TASP1: variants seen among roughly 807,000 people sequenced by gnomAD.
TASP1 encodes taspase 1.
In TASP1, 16 loss-of-function variants were observed where a neutral mutation model predicts 56.6. That is an observed-to-expected ratio of 0.28 (90% CI 0.19 to 0.43). The LOEUF (loss-of-function observed/expected upper bound fraction) is 0.43. Ranked by LOEUF, TASP1 falls within the 20% of genes least tolerant of loss-of-function variation. TASP1 has a pLI of 1.00. For synonymous variants in TASP1, 179 were observed against 184.2 expected (o/e 0.97, Z 0.23); for missense variants, 393 against 511.6 (o/e 0.77, Z 2.24).
At chr20:13,220,675 G>A in the TASP1 span, among the ~76,000 whole-genome samples, 1 of 152,218 alleles carries the variant, frequency 6.6e-6, no homozygotes, top group South Asian at 2.1e-4. Flanking sequence ...GGGCGCCGCG[G>A]ATCCGCGAAC....
At chr20:13,451,529 T>C (rs1201914018) in intron 11 of TASP1, among the ~76,000 whole-genome samples, 3 of 152,088 alleles carry the variant, frequency 2.0e-5, no homozygotes, top group Non-Finnish European at 2.9e-5. Context: ...TTTTATATTA[T>C]GGAGGCAGCT....
the TASP1 span, among the ~76,000 whole-genome samples, chr20:13,281,557 A>C: frequency 6.6e-6 from 1 of 152,196 alleles, no homozygotes; most frequent in Admixed American, 6.5e-5. Context: ...TAAGCAATTT[A>C]ACCTGGAGGG....
At chr20:13,327,445 A>G in the TASP1 span, among the ~76,000 whole-genome samples, 1 of 151,550 alleles carries the variant, frequency 6.6e-6, no homozygotes, top group Admixed American at 6.6e-5. Context: ...CACAAATTAG[A>G]AAAAAAAACT....
At chr20:13,295,637 A>G in the TASP1 span, among the ~76,000 whole-genome samples, 11 of 152,348 alleles carry the variant, frequency 7.2e-5, no homozygotes, top group African/African-American at 2.6e-4. Context: ...CACCCAGGAA[A>G]GATAAAGAGG....
the TASP1 span, among the ~76,000 whole-genome samples, chr20:13,134,453 T>G: frequency 2.0e-5 from 3 of 152,212 alleles, no homozygotes; most frequent in African/African-American, 7.2e-5. Flanking sequence ...CCAGTCATCA[T>G]TTCATATTTC....
intron 4 of TASP1, among the ~76,000 whole-genome samples, chr20:13,611,215 G>C (rs6079121): frequency 6.6e-6 from 1 of 152,170 alleles, no homozygotes; most frequent in Non-Finnish European, 1.5e-5. Flanking sequence ...ATATCCTTTA[G>C]GAAGTTATCA....
At chr20:13,334,719 A>G in the TASP1 span, among the ~76,000 whole-genome samples, 2 of 152,242 alleles carry the variant, frequency 1.3e-5, no homozygotes, top group Non-Finnish European at 2.9e-5. Flanking sequence ...TAGTATCCAA[A>G]AAAGATTAAA....
At chr20:13,517,882 C>A (rs1178771061) in intron 10 of TASP1, among the ~76,000 whole-genome samples, 1 of 152,026 alleles carries the variant, frequency 6.6e-6, no homozygotes, top group Admixed American at 6.6e-5. Context: ...GAATAGAATT[C>A]CCATCCCAGA....
rs141781328 is a variant in TASP1, at chr20:13,569,544, A to G, written c.531T>C (p.His177=). ...GEGAYRWAVD[H]GIPSCPPNIM... is the part of the protein sequence containing the mutation. ...TGTTAGGAGGGCAAGAGGGTATTCC[A>G]TGATCTACTGCCCATCTGTAGGCTC... Residue 177 remains histidine, a synonymous_variant, in exon 7 of 14, where the codon CAT becomes CAC. Transcript: ENST00000337743. The G allele has an allele frequency of 1.9e-6, 3 of 1,612,644 alleles. No homozygotes were observed. The highest frequency in any genetic ancestry group is 1.1e-5 in the South Asian group (1 of 91,030).
intron 4 of TASP1, among the ~76,000 whole-genome samples, chr20:13,621,086 T>G (rs1023467965): frequency 6.6e-5 from 10 of 152,110 alleles, no homozygotes; most frequent in African/African-American, 2.4e-4. Flanking sequence ...CATAGAAAAG[T>G]TAATTGTTAG....
At chr20:13,184,377 A>G in the TASP1 span, among the ~76,000 whole-genome samples, 47 of 152,318 alleles carry the variant, frequency 3.1e-4, no homozygotes, top group Non-Finnish European at 4.7e-4. Context: ...TTAATTTTTT[A>G]ATATTGCTTA....
chr20:13,523,667 C>T (rs2044858362), intron 10 of TASP1, among the ~76,000 whole-genome samples: 1 of 152,112 alleles, frequency 6.6e-6, no homozygotes, highest in Non-Finnish European at 1.5e-5. Flanking sequence ...ACCTTTGAAG[C>T]TACTCCTGGC....
chr20:13,398,919 CCTTCCATTTTCTCTTT>C (rs1251639759), intron 13 of TASP1, among the ~76,000 whole-genome samples: 1 of 152,150 alleles, frequency 6.6e-6, no homozygotes, highest in Non-Finnish European at 1.5e-5. Flanking sequence ...CAAATTCTTT[CCTTCCATTTTCTCTTT>C]AAGCCCTCTA....
At chr20:13,610,714 G>C (rs1053458707) in intron 4 of TASP1, among the ~76,000 whole-genome samples, 1 of 152,060 alleles carries the variant, frequency 6.6e-6, no homozygotes, top group African/African-American at 2.4e-5. Context: ...AAGAGTCAAA[G>C]AATTAAAATT....
the TASP1 span, among the ~76,000 whole-genome samples, chr20:13,366,199 A>G: frequency 6.6e-6 from 1 of 152,182 alleles, no homozygotes; most frequent in African/African-American, 2.4e-5. Flanking sequence ...TGGAGTTTGG[A>G]TGCAGTTCAG....
At chr20:13,109,360 A>C in the TASP1 span, among the ~76,000 whole-genome samples, 1 of 152,232 alleles carries the variant, frequency 6.6e-6, no homozygotes, top group Admixed American at 6.5e-5. Flanking sequence ...TACAGACTAC[A>C]TGGGTTCAAA....
Position 13,390,429 on chromosome 20 carries a change from A to G in TASP1, c.1194T>C (p.Pro398=), listed in dbSNP as rs1180314330. 3 of 1,613,890 alleles carry G rather than the reference A, an allele frequency of 1.9e-6. No homozygotes were observed. The East Asian group carries it at 6.7e-5, about 36-fold the overall frequency. ...CCACAGACTGTCCTGCCACCGCACC[A>G]GGAGGAAGTCTTGAAATGTGAGTCT... The part of the protein sequence containing the change: ...KAKTHISRLP[P]GAVAGQSVAI... The change falls in exon 14 of 14, where the codon CCT becomes CCC. Residue 398 remains proline, a synonymous_variant. Transcript: ENST00000337743.
the TASP1 span, among the ~76,000 whole-genome samples, chr20:13,196,312 G>A: frequency 6.6e-6 from 1 of 152,160 alleles, no homozygotes; most frequent in Non-Finnish European, 1.5e-5. Flanking sequence ...GAATAATTTA[G>A]TTTTAAACCA....
the TASP1 span, among the ~76,000 whole-genome samples, chr20:13,115,204 T>C: frequency 3.9e-5 from 6 of 152,170 alleles, no homozygotes; most frequent in African/African-American, 1.4e-4. Flanking sequence ...AGACTCAATA[T>C]CCCACTGTGG....
Sources: allele counts gnomAD v4.1 joint callset (sites outside exome capture counted in the v4.1 genomes callset), GRCh38; gene constraint gnomAD v4.1.1; transcripts MANE v1.5; gene names NCBI Gene and HGNC (gene_info 2026-07-23, HGNC 2026-07-21).